MDGA2: variants seen among roughly 807,000 people sequenced by gnomAD.
MDGA2 encodes MAM domain containing glycosylphosphatidylinositol anchor 2.
In MDGA2, 40 loss-of-function variants were observed where a neutral mutation model predicts 117.8. That is an observed-to-expected ratio of 0.34 (90% CI 0.26 to 0.44). MDGA2 has a LOEUF of 0.44. MDGA2 is among the 20% of genes least tolerant of loss of function. The probability of loss-of-function intolerance (pLI) is 1.00; values close to 1 mark genes in which losing one functional copy is unlikely to be tolerated. For missense variants in MDGA2, 1,123 were observed against 1,250.6 expected (o/e 0.90, Z 1.54); for synonymous variants, 452 against 439.0 (o/e 1.03, Z -0.37).
chr14:47,301,245 G>A (rs1238525675), intron 2 of MDGA2, among the ~76,000 whole-genome samples, 166 bp downstream of exon 2: 19 of 151,744 alleles, frequency 1.3e-4, no homozygotes, highest in South Asian at 8.4e-4. Flanking sequence ...CTTGTCCTGC[G>A]TTGCACATAT....
At chr14:46,843,128 T>C (rs1450336567) in intron 16 of MDGA2, among the ~76,000 whole-genome samples, 1 of 152,052 alleles carries the variant, frequency 6.6e-6, no homozygotes, top group Non-Finnish European at 1.5e-5. Flanking sequence ...TTTCTTGGAT[T>C]TGCTAGTTTA....
At chr14:47,171,372 A>G (rs1216810902) in intron 3 of MDGA2, among the ~76,000 whole-genome samples, 1 of 152,206 alleles carries the variant, frequency 6.6e-6, no homozygotes, top group Non-Finnish European at 1.5e-5. Context: ...AAAATAATAC[A>G]AAATATCAAA....
intron 3 of MDGA2, among the ~76,000 whole-genome samples, chr14:47,161,093 G>C (rs887180261): frequency 1.3e-5 from 2 of 151,880 alleles, no homozygotes; most frequent in Admixed American, 1.3e-4. Flanking sequence ...AAAATAACCA[G>C]ATTTGCATTT....
chr14:46,998,662 T>A (rs1471292380), intron 8 of MDGA2, among the ~76,000 whole-genome samples: 1 of 152,122 alleles, frequency 6.6e-6, no homozygotes, highest in Admixed American at 6.6e-5. Flanking sequence ...TAAAAATAAT[T>A]AAAATCATTT....
intron 1 of MDGA2, among the ~76,000 whole-genome samples, chr14:47,542,173 C>T (rs914886967): frequency 6.6e-6 from 1 of 152,140 alleles, no homozygotes; most frequent in Non-Finnish European, 1.5e-5. Flanking sequence ...ATCCCTCATT[C>T]AAGGCAAAAG....
At chr14:47,239,222 TAAA>T (rs11455841) in intron 2 of MDGA2, among the ~76,000 whole-genome samples, 1 of 144,410 alleles carries the variant, frequency 6.9e-6, no homozygotes, top group African/African-American at 2.5e-5. Context: ...CAAAATTTAT[TAAA>T]AAAAAAAAAG....
chr14:47,148,123 C>G (rs1325985710), intron 3 of MDGA2, among the ~76,000 whole-genome samples: 1 of 152,076 alleles, frequency 6.6e-6, no homozygotes, highest in Non-Finnish European at 1.5e-5. Flanking sequence ...GATAGTGACT[C>G]CTCTTGTCTG....
Position 46,855,013 on chromosome 14 carries a change from AC to A in MDGA2, c.2883+10del, listed in dbSNP as rs758522030. On this transcript the variant is annotated intron_variant, in intron 15 of 16. Transcript: ENST00000399232. This position sits in a 1 kb window ranked among gnomAD's most constrained non-coding sequence, Gnocchi z 4.1. ...TTACAGCAATTAATTAGCCAAAACT[AC>A]TTTTCTTACCTGAAATGAAGTAATT... 6.9e-5 allele frequency: 110 copies of A among 1,585,410 alleles called. No individual in the cohort carries two copies. The highest frequency in any genetic ancestry group is 9.4e-6 in the Non-Finnish European group (11 of 1,169,240).
At chr14:47,093,936 A>G (rs1879814673) in intron 6 of MDGA2, among the ~76,000 whole-genome samples, 2 of 152,126 alleles carry the variant, frequency 1.3e-5, no homozygotes, top group Non-Finnish European at 2.9e-5. Context: ...AGATAAACCT[A>G]GATTTCTATA....
At chr14:47,367,807 A>C (rs1364414025) in intron 1 of MDGA2, among the ~76,000 whole-genome samples, 3 of 152,070 alleles carry the variant, frequency 2.0e-5, no homozygotes, top group Admixed American at 6.6e-5. Flanking sequence ...CTTTCTCCAA[A>C]CCTTACTTCA....
chr14:47,124,273 G>A (rs978330588), intron 5 of MDGA2, among the ~76,000 whole-genome samples: 1 of 152,036 alleles, frequency 6.6e-6, no homozygotes, highest in Admixed American at 6.6e-5. Context: ...TGTCCCTGCT[G>A]TAATCTTTTG....
At chr14:47,233,229 A>T (rs1167476942) in intron 2 of MDGA2, among the ~76,000 whole-genome samples, 1 of 152,186 alleles carries the variant, frequency 6.6e-6, no homozygotes, top group African/African-American at 2.4e-5. Context: ...ATCCTGACAT[A>T]AATGAAGATA....
At chr14:47,003,809 T>C (rs950656594) in intron 8 of MDGA2, among the ~76,000 whole-genome samples, 10 of 151,996 alleles carry the variant, frequency 6.6e-5, no homozygotes, top group African/African-American at 2.4e-4. Context: ...TTTATTTCTT[T>C]TGTGGATTGC....
chr14:47,399,532 T>G (rs2138456375), intron 1 of MDGA2, among the ~76,000 whole-genome samples: 1 of 152,262 alleles, frequency 6.6e-6, no homozygotes, highest in South Asian at 2.1e-4. Context: ...CAGAAGACCT[T>G]TAATATGACT....
chr14:47,141,648 CAT>C (rs1386906626), intron 4 of MDGA2, among the ~76,000 whole-genome samples: 3 of 152,188 alleles, frequency 2.0e-5, no homozygotes, highest in South Asian at 2.1e-4. Flanking sequence ...ATTATCTACT[CAT>C]GTGTGGAATC....
intron 6 of MDGA2, among the ~76,000 whole-genome samples, chr14:47,076,681 G>T (rs145036892): frequency 6.6e-6 from 1 of 151,374 alleles, no homozygotes; most frequent in Non-Finnish European, 1.5e-5. Flanking sequence ...ATTTGAAATC[G>T]TACTATATGA....
chr14:47,556,942 A>G (rs1895695417), intron 1 of MDGA2, among the ~76,000 whole-genome samples: 1 of 152,172 alleles, frequency 6.6e-6, no homozygotes, highest in Non-Finnish European at 1.5e-5. Flanking sequence ...CCAGTTTGCT[A>G]ATAAAGAAAA....
intron 1 of MDGA2, among the ~76,000 whole-genome samples, chr14:47,505,612 C>T (rs1169453430): frequency 6.6e-6 from 1 of 152,032 alleles, no homozygotes; most frequent in African/African-American, 2.4e-5. Context: ...GTAAAAAATA[C>T]ACTATTTTTA....
At chr14:46,906,355 A>G (rs774277383) in intron 10 of MDGA2, among the ~76,000 whole-genome samples, 14 of 152,092 alleles carry the variant, frequency 9.2e-5, no homozygotes, top group Admixed American at 2.0e-4. Flanking sequence ...GTCCTAAAAT[A>G]CTTAAAATAG....
Sources: allele counts gnomAD v4.1 joint callset (sites outside exome capture counted in the v4.1 genomes callset), GRCh38; gene constraint gnomAD v4.1.1; non-coding constraint Gnocchi (gnomAD v3.1); transcripts MANE v1.5; gene names NCBI Gene and HGNC (gene_info 2026-07-23, HGNC 2026-07-21).